NRDC: variants seen among roughly 807,000 people sequenced by gnomAD.
NRDC encodes the protein nardilysin.
Under a neutral mutation model 147.1 loss-of-function variants are expected in NRDC, and 54 were observed. The ratio of observed to expected loss-of-function variants is 0.37; its 90% CI spans 0.29 to 0.46. The LOEUF (loss-of-function observed/expected upper bound fraction) is 0.46, where lower values mean the gene tolerates loss of function less well. Among genes scored for constraint, NRDC ranks in the 20% least tolerant of loss-of-function variants. The pLI is 1.00. For missense variants in NRDC, 1,082 were observed against 1,370.6 expected, an observed-to-expected ratio of 0.79 and a Z score of 3.33; for synonymous variants, 440 against 482.1, an observed-to-expected ratio of 0.91 and a Z score of 1.14.
At chr1:51,831,326 T>G (rs1409823552) in intron 4 of NRDC, among the ~76,000 whole-genome samples, 1 of 152,230 alleles carries the variant, frequency 6.6e-6, no homozygotes, top group Non-Finnish European at 1.5e-5. Context: ...TTTTTCCTTC[T>G]TTGTATATGG....
At chr1:51,798,227 C>T (rs369207619) in intron 22 of NRDC, 22 bp downstream of exon 22, 2 of 1,612,870 alleles carry the variant, frequency 1.2e-6, no homozygotes, top group Non-Finnish European at 1.7e-6. Context: ...CAGACCTGGC[C>T]TACAGAGCAT....
At chr1:51,869,608 GTAT>G (rs1369816895) in intron 1 of NRDC, among the ~76,000 whole-genome samples, 1 of 152,008 alleles carries the variant, frequency 6.6e-6, no homozygotes, top group Non-Finnish European at 1.5e-5. Flanking sequence ...TTATAGCTAT[GTAT>G]TATTTTCATT....
At position 51,846,329 on chromosome 1, in the gene NRDC, G is replaced by C. The variant is rs1336062546; in HGVS notation, c.342-5815C>G. 2.0e-5 allele frequency among the ~76,000 whole-genome samples: 3 copies of C among 152,044 alleles called. No homozygotes were observed. The East Asian group carries it at 5.8e-4, about 29-fold the overall frequency. On this transcript the variant is annotated intron_variant, in intron 1 of 30. Coordinates refer to ENST00000352171, the MANE Select transcript of NRDC (RefSeq NM_001101662.2). Reference sequence around the variant, plus strand: ...GGTTTTCACCATGTTGGCCAGGCTGGTCTCAAATTCCTGACCTCAAGTGAT... The same window carrying C: ...GGTTTTCACCATGTTGGCCAGGCTGCTCTCAAATTCCTGACCTCAAGTGAT...
At chr1:51,810,790 A>G (rs1387527690) in intron 15 of NRDC, among the ~76,000 whole-genome samples, 2 of 152,244 alleles carry the variant, frequency 1.3e-5, no homozygotes, top group East Asian at 1.9e-4. Flanking sequence ...TTTACACAAA[A>G]TAACAGTCAG....
Position 51,864,677 on chromosome 1 carries a change from C to CAAAAA in NRDC, c.341+13597_341+13598insTTTTT, listed in dbSNP as rs1571919935. Among the ~76,000 whole-genome samples the CAAAAA allele has an allele frequency of 5.3e-5, 8 of 152,070 alleles. No homozygotes were observed. In the East Asian group the frequency reaches 1.3e-3, roughly 26 times the overall value. ...GTAATAAAATTAGATTTTTGCCAGG[C>CAAAAA]ATGGTGGCTCACACCTATAATCCCA... On this transcript the variant is annotated intron_variant, in intron 1 of 30. Coordinates refer to ENST00000352171, the MANE Select transcript of NRDC (RefSeq NM_001101662.2).
intron 1 of NRDC, among the ~76,000 whole-genome samples, chr1:51,855,909 C>A (rs2124037642): frequency 6.6e-6 from 1 of 152,020 alleles, no homozygotes; most frequent in Middle Eastern, 3.4e-3. Context: ...ATATATACTA[C>A]ACACATTACA....
intron 21 of NRDC, 104 bp downstream of exon 21, chr1:51,800,452 T>C: frequency 7.8e-7 from 1 of 1,288,420 alleles, no homozygotes; most frequent in Non-Finnish European, 1.1e-6. Context: ...CAAACACGGA[T>C]GAAAATTAGC....
At chr1:51,851,300 G>A (rs925912643) in intron 1 of NRDC, among the ~76,000 whole-genome samples, 3 of 152,000 alleles carry the variant, frequency 2.0e-5, no homozygotes, top group Non-Finnish European at 2.9e-5. Context: ...CTTGGTGGGA[G>A]ATATCCCAGA....
intron 4 of NRDC, among the ~76,000 whole-genome samples, chr1:51,829,371 T>A (rs1680600537): frequency 6.6e-6 from 1 of 152,244 alleles, no homozygotes; most frequent in East Asian, 1.9e-4. Context: ...AAGATATTTT[T>A]ATTTAGTGTA....
At chr1:51,812,163 T>C (rs1679753640) in intron 14 of NRDC, 65 bp from the exon 15 acceptor site, 12 of 1,096,404 alleles carry the variant, frequency 1.1e-5, no homozygotes, top group Non-Finnish European at 1.5e-5. Flanking sequence ...TACCACAACA[T>C]ACAAATACTT....
chr1:51,857,086 T>C (rs888639885), intron 1 of NRDC, among the ~76,000 whole-genome samples: 1 of 152,210 alleles, frequency 6.6e-6, no homozygotes, highest in Non-Finnish European at 1.5e-5. Flanking sequence ...CCAATATATA[T>C]AACATCTGTT....
At chr1:51,844,994 A>C (rs1432754478) in intron 1 of NRDC, among the ~76,000 whole-genome samples, 1 of 152,132 alleles carries the variant, frequency 6.6e-6, no homozygotes, top group East Asian at 1.9e-4. Context: ...AAATTAATAC[A>C]AGGCCATTTC....
chr1:51,837,560 T>G (rs768764407), intron 2 of NRDC: 1 of 1,594,404 alleles, frequency 6.3e-7, no homozygotes, highest in Non-Finnish European at 8.6e-7. Flanking sequence ...TTTGAATAAG[T>G]TGACTTAAAC....
At chr1:51,806,258 A>G (rs1261624816) in intron 18 of NRDC, among the ~76,000 whole-genome samples, 1 of 152,202 alleles carries the variant, frequency 6.6e-6, no homozygotes, top group Non-Finnish European at 1.5e-5. Flanking sequence ...TGGGGCTTTC[A>G]CATTTGTAAT....
intron 4 of NRDC, among the ~76,000 whole-genome samples, chr1:51,831,911 G>A (rs1680730069): frequency 6.6e-6 from 1 of 151,782 alleles, no homozygotes; most frequent in Non-Finnish European, 1.5e-5. Flanking sequence ...CTGGGCAACA[G>A]AGTGAGACTG....
Position 51,878,463 on chromosome 1 carries a change from A to G in NRDC, c.153T>C (p.Pro51=). The G allele has an allele frequency of 6.2e-7, 1 of 1,613,964 alleles. No homozygotes were observed. The highest frequency in any genetic ancestry group is 8.5e-7 in the Non-Finnish European group (1 of 1,180,022). The change falls in exon 1 of 31, where the codon CCT becomes CCC. Residue 51 remains proline (P), a synonymous_variant. Transcript: ENST00000352171. The part of the protein sequence containing the change: ...AARPFPILAM[P]GRNKAKSTCS... Reference sequence around the variant, plus strand: ...AGGTAGACTTCGCCTTGTTCCTTCCAGGCATGGCCAGAATAGGAAAGGGTC... The same window carrying G: ...AGGTAGACTTCGCCTTGTTCCTTCCGGGCATGGCCAGAATAGGAAAGGGTC...
At chr1:51,862,799 T>C (rs1323529179) in intron 1 of NRDC, among the ~76,000 whole-genome samples, 1 of 151,514 alleles carries the variant, frequency 6.6e-6, no homozygotes, top group Non-Finnish European at 1.5e-5. Context: ...GCAGATCACA[T>C]GAGGCCAGGA....
intron 14 of NRDC, 33 bp from the exon 15 acceptor site, chr1:51,812,131 TTC>T (rs1679751040): frequency 7.2e-7 from 1 of 1,385,392 alleles, no homozygotes; most frequent in Non-Finnish European, 1.0e-6. Flanking sequence ...ACACCAGAAC[TTC>T]TCCATTATTA....
chr1:51,846,715 A>G (rs1226450478), intron 1 of NRDC, among the ~76,000 whole-genome samples: 1 of 152,242 alleles, frequency 6.6e-6, no homozygotes, highest in Admixed American at 6.5e-5. Context: ...TATCGCCAAC[A>G]GCGATGGAAC....
Sources: allele counts gnomAD v4.1 joint callset (sites outside exome capture counted in the v4.1 genomes callset), GRCh38; gene constraint gnomAD v4.1.1; transcripts MANE v1.5; gene names NCBI Gene and HGNC (gene_info 2026-07-23, HGNC 2026-07-21).